MYBPHL: variants seen among roughly 807,000 people sequenced by gnomAD.
MYBPHL encodes the protein myosin-binding protein H-like.
MYBPHL carries 32 observed loss-of-function variants against 39.5 expected under a neutral mutation model. The ratio of observed to expected loss-of-function variants is 0.81; its 90% CI spans 0.61 to 1.09. The LOEUF is 1.09. Among genes scored for constraint, MYBPHL ranks in the 50% least tolerant of loss-of-function variants. MYBPHL has a pLI of 0.00. For synonymous variants in MYBPHL, 196 were observed against 183.7 expected (o/e 1.07, Z -0.54); for missense variants, 456 against 460.2 (o/e 0.99, Z 0.08).
At chr1:109,293,781 C>G (rs922194223) in intron 8 of MYBPHL, among the ~76,000 whole-genome samples, 6 of 145,468 alleles carry the variant, frequency 4.1e-5, no homozygotes, top group Non-Finnish European at 7.6e-5. Flanking sequence ...ATGGTTACAA[C>G]AGCTGGGCAT....
intron 1 of MYBPHL, among the ~76,000 whole-genome samples, chr1:109,305,044 T>G (rs112969391): frequency 1.4e-3 from 212 of 152,254 alleles, no homozygotes; most frequent in African/African-American, 4.8e-3. Context: ...GCCCATGCAT[T>G]GCACCCTGAA....
At chr1:109,295,746 C>T (rs1658036381) in intron 6 of MYBPHL, among the ~76,000 whole-genome samples, 1 of 152,154 alleles carries the variant, frequency 6.6e-6, no homozygotes, top group Non-Finnish European at 1.5e-5. Flanking sequence ...GTAGTCTTGC[C>T]CAGACTCAAA....
chr1:109,294,181 A>C, intron 8 of MYBPHL, 25 bp downstream of exon 8: 1 of 1,432,718 alleles, frequency 7.0e-7, no homozygotes, highest in Non-Finnish European at 9.9e-7. Flanking sequence ...TAATCCAGTG[A>C]GACATCTTGC....
At position 109,295,316 on chromosome 1, in the gene MYBPHL, G is replaced by A; in HGVS notation, c.868-19C>T. ...TCTTGGGCTGGAAGACAAAGATGAG[G>A]GAGGCAGCAAGGAGGGGCGAGGGTA... On this transcript the variant is annotated intron_variant, in intron 6 of 8. Coordinates refer to ENST00000357155, the MANE Select transcript of MYBPHL (RefSeq NM_001010985.3). The A allele has an allele frequency of 1.2e-6, 2 of 1,610,790 alleles. No homozygotes were observed. Among genetic ancestry groups the A allele is most frequent in the Non-Finnish European group, 1.7e-6 (2 of 1,178,078 alleles).
intron 8 of MYBPHL, chr1:109,292,942 G>C (rs1045742054): frequency 1.3e-5 from 2 of 152,182 alleles, no homozygotes; most frequent in Admixed American, 6.5e-5. Flanking sequence ...TAAAAGAGCT[G>C]TCCGGTTCTA....
At position 109,297,332 on chromosome 1, in the gene MYBPHL, G is replaced by C. The variant is rs603624; in HGVS notation, c.430+90C>G. The C allele has an allele frequency of 0.84, 1,311,778 of 1,555,778 alleles. 555,756 individuals carry two copies. The highest frequency in any genetic ancestry group is 0.87 in the Non-Finnish European group (992,680 of 1,146,338). On this transcript the variant is annotated intron_variant, in intron 3 of 8. Coordinates refer to ENST00000357155, the MANE Select transcript of MYBPHL (RefSeq NM_001010985.3). Reference sequence around the variant, plus strand: ...CCAGACATGACGTGGGAGCCTTGCCGCAGCTTCCCCAGCTCTCTGAGCTGG... The same window carrying C: ...CCAGACATGACGTGGGAGCCTTGCCCCAGCTTCCCCAGCTCTCTGAGCTGG...
chr1:109,298,129 G>T (rs1396072991), intron 2 of MYBPHL, 40 bp downstream of exon 2: 4 of 1,513,784 alleles, frequency 2.6e-6, no homozygotes, highest in Non-Finnish European at 3.6e-6. Flanking sequence ...AACCTGCACT[G>T]GCCCCAGACA....
chr1:109,299,539 A>G (rs1158866993), intron 1 of MYBPHL, among the ~76,000 whole-genome samples: 1 of 152,226 alleles, frequency 6.6e-6, no homozygotes, highest in Admixed American at 6.5e-5. Context: ...TGTCCAGAGA[A>G]CTTCACTCTG....
At chr1:109,292,680 G>C (rs558754214) in intron 8 of MYBPHL, 92 bp from the exon 9 acceptor site, 1 of 152,230 alleles carries the variant, frequency 6.6e-6, no homozygotes. Context: ...TCTGCAAGCC[G>C]ACTGTCGGAG....
intron 6 of MYBPHL, among the ~76,000 whole-genome samples, chr1:109,295,642 A>G (rs12127701): frequency 0.06 from 9,203 of 152,230 alleles, 299 homozygotes; most frequent in African/African-American, 0.074. Flanking sequence ...TTCTGTTCCC[A>G]CTGCTGACTT....
Position 109,297,547 on chromosome 1 carries a change from C to G in MYBPHL, c.305G>C (p.Arg102Pro). Residue 102 changes from arginine (R) to proline (P), a missense_variant, in exon 3 of 9, where the codon CGG (arginine) becomes CCG (proline). Arg to Pro is a moderately radical substitution (Grantham distance 103). Transcript: ENST00000357155. ...CALDTRRVSV[R>P]NGEQDSILFI... ...GAGGATGGAGTCTTGCTCCCCATTC[C>G]GCACACTCACACGCCTGGTGTCCAA... 6.2e-7 allele frequency: 1 copy of G among 1,613,924 alleles called. No individual in the cohort carries two copies. The highest frequency in any genetic ancestry group is 1.1e-5 in the South Asian group (1 of 91,068).
chr1:109,299,817 G>A (rs556616530), intron 1 of MYBPHL, among the ~76,000 whole-genome samples: 1 of 152,346 alleles, frequency 6.6e-6, no homozygotes, highest in Non-Finnish European at 1.5e-5. Context: ...GAGTGACCCT[G>A]CTGTGGCTGC....
intron 2 of MYBPHL, among the ~76,000 whole-genome samples, chr1:109,297,915 C>T (rs1341918703): frequency 6.6e-6 from 1 of 152,216 alleles, no homozygotes; most frequent in Non-Finnish European, 1.5e-5. Flanking sequence ...CTTCTAACTG[C>T]AAGCTCTGAG....
chr1:109,295,912 G>T (rs1658041667), intron 6 of MYBPHL, among the ~76,000 whole-genome samples: 1 of 152,168 alleles, frequency 6.6e-6, no homozygotes, highest in Admixed American at 6.5e-5. Context: ...ATGGGATGAG[G>T]TATGCATGGG....
chr1:109,295,063 G>C (rs921167649), intron 7 of MYBPHL, 48 bp downstream of exon 7: 1 of 1,591,104 alleles, frequency 6.3e-7, no homozygotes, highest in Non-Finnish European at 8.6e-7. Context: ...CCGGTGGAGA[G>C]AGGAGGTGAC....
chr1:109,296,139 G>T, intron 6 of MYBPHL, 95 bp downstream of exon 6: 1 of 1,448,314 alleles, frequency 6.9e-7, no homozygotes, highest in Non-Finnish European at 9.4e-7. Context: ...GATGGTAACA[G>T]ATGTTATGTT....
At chr1:109,305,975 T>C (rs1371717963) in intron 1 of MYBPHL, among the ~76,000 whole-genome samples, 1 of 152,228 alleles carries the variant, frequency 6.6e-6, no homozygotes. Flanking sequence ...AACTGAGCAG[T>C]CCAGTGACTT....
Position 109,295,152 on chromosome 1 carries a change from G to A in MYBPHL, c.1013C>T (p.Pro338Leu), listed in dbSNP as rs148219864. 9.9e-6 allele frequency: 16 copies of A among 1,613,792 alleles called. No individual in the cohort carries two copies. The African/African-American group carries it at 1.5e-4, about 15-fold the overall frequency. Reference protein sequence around the residue: ...GGIYTCKAVNPLGEASVDCRV... With the variant: ...GGIYTCKAVNLLGEASVDCRV... ...ACAGTCCACAGATGCCTCCCCTAGG[G>A]GGTTCACCGCCTTGCAGGTATAGAT... The change falls in exon 7 of 9, where the codon CCC (proline) becomes CTC (leucine). Residue 338 changes from proline (P) to leucine (L), a missense_variant. By Grantham distance (98) the Pro-to-Leu change is moderately conservative (BLOSUM62 -3). Transcript: ENST00000357155.
chr1:109,301,719 C>G (rs1161633335), intron 1 of MYBPHL, among the ~76,000 whole-genome samples: 1 of 145,550 alleles, frequency 6.9e-6, no homozygotes, highest in Non-Finnish European at 1.5e-5. Flanking sequence ...CCAGCCTGGG[C>G]AATAAGAACA....
Sources: allele counts gnomAD v4.1 joint callset (sites outside exome capture counted in the v4.1 genomes callset), GRCh38; gene constraint gnomAD v4.1.1; transcripts MANE v1.5; gene names NCBI Gene and HGNC (gene_info 2026-07-23, HGNC 2026-07-21).